ZNF532: variants seen among roughly 807,000 people sequenced by gnomAD.
The protein encoded by ZNF532 is zinc finger protein 532.
ZNF532 carries 22 observed loss-of-function variants against 89.3 expected under a neutral mutation model. The ratio of observed to expected loss-of-function variants is 0.25; its 90% confidence interval spans 0.18 to 0.35. The LOEUF (loss-of-function observed/expected upper bound fraction) is 0.35. ZNF532 is among the 10% of genes least tolerant of loss of function. The pLI is 1.00. For synonymous variants in ZNF532, 606 were observed against 649.6 expected, an observed-to-expected ratio of 0.93 and a Z score of 1.02; for missense variants, 1,132 against 1,643.4, an observed-to-expected ratio of 0.69 and a Z score of 5.38.
intron 2 of ZNF532, among the ~76,000 whole-genome samples, chr18:58,894,347 A>G (rs1602743688): frequency 6.6e-6 from 1 of 151,936 alleles, no homozygotes; most frequent in African/African-American, 2.4e-5. Flanking sequence ...TGCACCTGCA[A>G]TCCCAGCTAC....
Position 58,919,683 on chromosome 18 carries a change from A to G in ZNF532, c.1396A>G (p.Ile466Val). Residue 466 changes from isoleucine to valine, a missense_variant, in exon 3 of 10, where the codon ATT becomes GTT. Physicochemically the swap from Ile to Val is conservative, Grantham distance 29 (BLOSUM62 3). This residue lies in a region of ZNF532 where 8 missense variants were observed against 41.3 expected (regional missense o/e 0.19). Coordinates refer to ENST00000591808, the MANE Select transcript of ZNF532 (RefSeq NM_001375912.1). The surrounding 1 kb of genome is among the most constrained non-coding windows in gnomAD (Gnocchi z 6.1). ...SAVKTAGSQV[I>V]NLKLANNTTV... ...TGTGAAGACGGCAGGATCCCAAGTC[A>G]TTAATTTGAAGCTCGCTAACAACAC... 6.2e-7 allele frequency: 1 copy of G among 1,613,714 alleles called. No homozygotes were observed. Among genetic ancestry groups the G allele is most frequent in the East Asian group, 2.2e-5 (1 of 44,870 alleles).
At chr18:58,942,801 A>G (rs1201617050) in intron 5 of ZNF532, among the ~76,000 whole-genome samples, 4 of 152,250 alleles carry the variant, frequency 2.6e-5, no homozygotes, top group Non-Finnish European at 4.4e-5. Context: ...CAGCTCAGGC[A>G]GTGAAATTCC....
intron 7 of ZNF532, among the ~76,000 whole-genome samples, chr18:58,974,341 G>A (rs900845771): frequency 2.6e-5 from 4 of 152,122 alleles, no homozygotes; most frequent in Non-Finnish European, 5.9e-5. Flanking sequence ...TCTCCGCTTA[G>A]TAGTTATGGT....
At chr18:58,960,767 C>T (rs2065270246) in intron 7 of ZNF532, among the ~76,000 whole-genome samples, 1 of 152,172 alleles carries the variant, frequency 6.6e-6, no homozygotes, top group South Asian at 2.1e-4. Context: ...ACTCATGGCT[C>T]ACTGCCTTGT....
At chr18:58,926,532 G>A (rs1343100540) in intron 3 of ZNF532, among the ~76,000 whole-genome samples, 1 of 152,066 alleles carries the variant, frequency 6.6e-6, no homozygotes, top group Non-Finnish European at 1.5e-5. Context: ...AGACAGGGTT[G>A]AGATGGGGTT....
At chr18:58,877,743 T>A (rs1201488920) in intron 2 of ZNF532, among the ~76,000 whole-genome samples, 1 of 152,132 alleles carries the variant, frequency 6.6e-6, no homozygotes, top group African/African-American at 2.4e-5. Context: ...GTGGCCCTTA[T>A]GGAATCACAG....
chr18:58,981,677 A>G, intron 9 of ZNF532, 60 bp downstream of exon 9: 2 of 1,596,386 alleles, frequency 1.3e-6, no homozygotes, highest in Non-Finnish European at 1.7e-6. Flanking sequence ...TTTCCCATTC[A>G]TTTTTTTCCT....
Position 58,970,992 on chromosome 18 carries a change from G to A in ZNF532, c.3151-8063G>A, listed in dbSNP as rs117468566. On this transcript the variant is annotated intron_variant, in intron 7 of 9. Coordinates refer to ENST00000591808, the MANE Select transcript of ZNF532 (RefSeq NM_001375912.1). The stretch of plus-strand genomic sequence containing the variant: ...ACATTGCCCTAAGCTCAGAAACTAC[G>A]GTGCGACACGTTTCTTTGCCATCTG... 2.0e-3 allele frequency among the ~76,000 whole-genome samples: 312 copies of A among 152,266 alleles called. 8 individuals are homozygous for A. In the East Asian group the frequency reaches 0.05, roughly 25 times the overall value.
chr18:58,882,442 A>C (rs1343697638), intron 2 of ZNF532, among the ~76,000 whole-genome samples: 2 of 151,918 alleles, frequency 1.3e-5, no homozygotes, highest in Non-Finnish European at 2.9e-5. Context: ...CCAGTTCCTA[A>C]AGAGAATATA....
chr18:58,936,090 C>G (rs1290758909), intron 4 of ZNF532, among the ~76,000 whole-genome samples: 3 of 152,154 alleles, frequency 2.0e-5, no homozygotes, highest in African/African-American at 7.2e-5. Flanking sequence ...GCTTGGAAAT[C>G]AAGAAACCAG....
chr18:58,959,264 TTTTTTG>T (rs2065106361), intron 7 of ZNF532, among the ~76,000 whole-genome samples: 4 of 147,826 alleles, frequency 2.7e-5, no homozygotes, highest in African/African-American at 1.0e-4. Context: ...TTTTTTGTTT[TTTTTTG>T]TTTTTTTTTG....
At chr18:58,890,812 A>G (rs2145356365) in intron 2 of ZNF532, among the ~76,000 whole-genome samples, 1 of 151,102 alleles carries the variant, frequency 6.6e-6, no homozygotes, top group Non-Finnish European at 1.5e-5. Context: ...TCTTCCCGGT[A>G]GGTAAATGGT....
intron 2 of ZNF532, among the ~76,000 whole-genome samples, chr18:58,888,880 AT>A: frequency 1.9e-5 from 1 of 53,418 alleles, no homozygotes; most frequent in African/African-American, 8.8e-5. Context: ...TATATATTAT[AT>A]ATATATATTT....
At chr18:58,953,861 T>C in intron 7 of ZNF532, 62 bp downstream of exon 7, 1 of 1,537,182 alleles carries the variant, frequency 6.5e-7, no homozygotes, top group South Asian at 1.3e-5. Flanking sequence ...CTGGCAAGCT[T>C]CCAAGATGTG....
At chr18:58,958,351 G>T (rs1315463907) in intron 7 of ZNF532, among the ~76,000 whole-genome samples, 1 of 152,186 alleles carries the variant, frequency 6.6e-6, no homozygotes, top group Non-Finnish European at 1.5e-5. Context: ...AGTTAAAGCA[G>T]CAGCATTTTA....
chr18:58,946,291 G>GTTT (rs58395180), intron 5 of ZNF532, among the ~76,000 whole-genome samples: 6 of 116,510 alleles, frequency 5.1e-5, no homozygotes, highest in Non-Finnish European at 5.2e-5. Context: ...TCTTCATATA[G>GTTT]TTTTTTTTTT....
intron 2 of ZNF532, among the ~76,000 whole-genome samples, chr18:58,868,784 C>A (rs1043833088): frequency 1.3e-5 from 2 of 152,166 alleles, no homozygotes; most frequent in Non-Finnish European, 2.9e-5. Flanking sequence ...GTTTTTATTT[C>A]TTTTTGCTAA....
At chr18:58,979,206 C>A (rs774921334) in intron 8 of ZNF532, 39 bp downstream of exon 8, 4 of 1,541,728 alleles carry the variant, frequency 2.6e-6, no homozygotes, top group Non-Finnish European at 3.6e-6. Flanking sequence ...TGAGAGGACT[C>A]AGGAGGAACC....
At chr18:58,946,983 C>T (rs774554098) in intron 5 of ZNF532, among the ~76,000 whole-genome samples, 6 of 152,098 alleles carry the variant, frequency 3.9e-5, no homozygotes, top group African/African-American at 9.7e-5. Flanking sequence ...GGAGGCATTC[C>T]GTTCTTCAAC....
Sources: gnomAD v4.1 joint callset for allele counts (sites outside exome capture counted in the v4.1 genomes callset) on GRCh38, gnomAD v4.1.1 for gene constraint, gnomAD v4.1.1 regional missense constraint, Gnocchi (gnomAD v3.1) non-coding constraint, MANE v1.5 for transcripts, NCBI Gene and HGNC (gene_info 2026-07-23, HGNC 2026-07-21) for gene names.